CAPN5: variants seen among roughly 807,000 people sequenced by gnomAD.
CAPN5 encodes calpain 5, also known as calpain-5.
A neutral mutation model predicts 73.0 loss-of-function variants in CAPN5; 54 were observed. The observed-to-expected ratio is 0.74, with a 90% CI of 0.59 to 0.93. The LOEUF is 0.93. CAPN5 is among the 40% of genes least tolerant of loss of function. The pLI is 0.00. For missense variants in CAPN5, 785 were observed against 882.9 expected (o/e 0.89, Z 1.41); for synonymous variants, 335 against 356.9 (o/e 0.94, Z 0.69).
At chr11:77,102,429 T>C (rs544115520) in intron 3 of CAPN5, among the ~76,000 whole-genome samples, 1 of 152,328 alleles carries the variant, frequency 6.6e-6, no homozygotes, top group South Asian at 2.1e-4. Context: ...TCTTCTCCTG[T>C]GTACCTCCAG....
intron 3 of CAPN5, among the ~76,000 whole-genome samples, chr11:77,107,190 T>C (rs1218542432): frequency 2.0e-5 from 3 of 151,844 alleles, no homozygotes; most frequent in Non-Finnish European, 2.9e-5. Flanking sequence ...AAACGGGGAG[T>C]TTGAGAGTCT....
intron 3 of CAPN5, among the ~76,000 whole-genome samples, chr11:77,097,464 G>GTTTTTTTTTTTTTTTTTTT (rs58077755): frequency 3.8e-5 from 3 of 79,740 alleles, no homozygotes; most frequent in Non-Finnish European, 7.0e-5. Context: ...TTTCCTTCTA[G>GTTTTTTTTTTTTTTTTTTT]TTTTTTTTTT....
chr11:77,088,056 G>A, intron 2 of CAPN5: 1 of 1,532,650 alleles, frequency 6.5e-7, no homozygotes, highest in East Asian at 2.4e-5. Context: ...CAGGGCCCGG[G>A]ACCTGGTAGG....
intron 2 of CAPN5, among the ~76,000 whole-genome samples, chr11:77,091,794 C>T (rs1950151266): frequency 6.6e-6 from 1 of 152,216 alleles, no homozygotes. Flanking sequence ...CTGGTTGCAT[C>T]TCTTGGTGCT....
At chr11:77,107,322 C>A (rs1215829721) in intron 3 of CAPN5, among the ~76,000 whole-genome samples, 1 of 152,208 alleles carries the variant, frequency 6.6e-6, no homozygotes, top group Non-Finnish European at 1.5e-5. Context: ...GGAAACCTCC[C>A]TGTAGCCCCC....
At chr11:77,073,686 G>A (rs1949935639) in intron 1 of CAPN5, among the ~76,000 whole-genome samples, 1 of 152,194 alleles carries the variant, frequency 6.6e-6, no homozygotes, top group Non-Finnish European at 1.5e-5. Context: ...GGCCTGGTGG[G>A]ATTTATGTTA....
At chr11:77,118,502 C>A in intron 8 of CAPN5, 150 bp downstream of exon 8, 1 of 645,732 alleles carries the variant, frequency 1.5e-6, no homozygotes, top group Non-Finnish European at 2.6e-6. Context: ...GTTAGATGGG[C>A]ACATCCGTCC....
rs977314653 is a variant in CAPN5 at position 77,125,327 on chromosome 11, G to A, written c.*1457G>A. 9.2e-5 allele frequency: 14 copies of A among 152,710 alleles called. No homozygotes were observed. Among genetic ancestry groups the A allele is most frequent in the African/African-American group, 2.9e-4 (12 of 41,458 alleles). 9.5% of individuals were successfully genotyped at this position (152,710 alleles called of 1,614,324 possible). ...GATTTTGCCTCCTCACTCTGTGTCT[G>A]GCTTTGCTCCTGGGTCTTGGCCCTG... On this transcript the variant is annotated 3_prime_UTR_variant, in exon 13 of 13. Transcript: ENST00000648180.
chr11:77,102,590 C>G lies in CAPN5; in HGVS notation c.297+8777C>G, dbSNP rs1950297156. On this transcript the variant is annotated intron_variant, in intron 3 of 12. Coordinates refer to ENST00000648180, the MANE Select transcript of CAPN5 (RefSeq NM_004055.5). ...ACCTGGTCCCCAAGGAACCTGCCACCTTCCGCCTGCCTGCAGGGCCTGCAT... is the reference window on the plus strand; with the variant it reads ...ACCTGGTCCCCAAGGAACCTGCCACGTTCCGCCTGCCTGCAGGGCCTGCAT... 2.0e-5 allele frequency among the ~76,000 whole-genome samples: 3 copies of G among 152,246 alleles called. No individual in the cohort carries two copies. The South Asian group carries it at 6.2e-4, about 31-fold the overall frequency.
intron 3 of CAPN5, among the ~76,000 whole-genome samples, chr11:77,110,714 A>G (rs565945757): frequency 1.3e-5 from 2 of 152,256 alleles, no homozygotes; most frequent in South Asian, 4.1e-4. Context: ...TGCAGTTAGC[A>G]TTTTCATTTT....
chr11:77,075,428 C>T (rs1949959059), intron 1 of CAPN5, among the ~76,000 whole-genome samples: 1 of 152,174 alleles, frequency 6.6e-6, no homozygotes, highest in Admixed American at 6.5e-5. Context: ...GTCCTGAGAG[C>T]TAGAGGAGGA....
chr11:77,122,764 C>T, intron 12 of CAPN5, 52 bp downstream of exon 12: 1 of 1,605,884 alleles, frequency 6.2e-7, no homozygotes, highest in South Asian at 1.1e-5. Context: ...CTGAGGCTTC[C>T]CCACTCAGGG....
chr11:77,080,704 A>C (rs1950019152), intron 1 of CAPN5, among the ~76,000 whole-genome samples: 1 of 152,228 alleles, frequency 6.6e-6, no homozygotes, highest in Non-Finnish European at 1.5e-5. Flanking sequence ...AGGTGAGGAT[A>C]GACTGAGCTT....
chr11:77,107,646 G>A (rs1260480691), intron 3 of CAPN5, among the ~76,000 whole-genome samples: 3 of 152,198 alleles, frequency 2.0e-5, no homozygotes, highest in African/African-American at 7.2e-5. Flanking sequence ...GTGCACCCAT[G>A]GGTGGGACCC....
chr11:77,071,114 G>T (rs1240396917), intron 1 of CAPN5, among the ~76,000 whole-genome samples: 1 of 152,184 alleles, frequency 6.6e-6, no homozygotes, highest in Non-Finnish European at 1.5e-5. Context: ...GTCACTGCAG[G>T]CACCATTCCC....
intron 1 of CAPN5, chr11:77,072,953 G>A (rs1462945016): frequency 8.1e-6 from 4 of 492,370 alleles, no homozygotes; most frequent in African/African-American, 7.9e-5. Flanking sequence ...GTGAGGCAGA[G>A]GTGGCTTCAG....
chr11:77,075,411 C>T (rs1388487273), intron 1 of CAPN5, among the ~76,000 whole-genome samples: 11 of 152,170 alleles, frequency 7.2e-5, no homozygotes, highest in Admixed American at 5.9e-4. Context: ...GTGTCAAGTC[C>T]GCAAGCGTCC....
intron 3 of CAPN5, among the ~76,000 whole-genome samples, chr11:77,109,179 G>A (rs1392588396): frequency 6.6e-6 from 1 of 152,132 alleles, no homozygotes; most frequent in Non-Finnish European, 1.5e-5. Flanking sequence ...TTTTTGTGAT[G>A]TTAGAAACCA....
intron 1 of CAPN5, among the ~76,000 whole-genome samples, chr11:77,083,583 C>T (rs1163881806): frequency 1.3e-5 from 2 of 152,196 alleles, no homozygotes; most frequent in Non-Finnish European, 2.9e-5. Flanking sequence ...GCACTGTTGG[C>T]AGGCAGTACA....
Sources: allele counts gnomAD v4.1 joint callset (sites outside exome capture counted in the v4.1 genomes callset), GRCh38; gene constraint gnomAD v4.1.1; transcripts MANE v1.5; gene names NCBI Gene and HGNC (gene_info 2026-07-23, HGNC 2026-07-21).